The following RORB variants were observed in gnomAD, a reference collection of about 807,000 sequenced individuals.
RORB encodes the protein nuclear receptor ROR-beta.
In RORB, 6 loss-of-function variants were observed where a neutral mutation model predicts 59.1. The observed-to-expected ratio is 0.10, with a 90% CI of 0.06 to 0.20. The LOEUF is 0.20. Among genes scored for constraint, RORB ranks in the 10% least tolerant of loss-of-function variants. RORB has a pLI of 1.00. For synonymous variants in RORB, 215 were observed against 204.5 expected (o/e 1.05, Z -0.44); for missense variants, 320 against 560.5 (o/e 0.57, Z 4.33).
At position 74,497,828 on chromosome 9, in the gene RORB, A is replaced by G; in HGVS notation, c.-149A>G. ...CGGCGGCAAACGTCACCCTGCAGCC[A>G]CGGCGTCCGCCTAAAGGGATGGTTT... On this transcript the variant is annotated 5_prime_UTR_variant, in exon 1 of 10. Transcript: ENST00000376896. 4.6e-6 allele frequency: 4 copies of G among 878,610 alleles called. No homozygotes were observed. Among genetic ancestry groups the G allele is most frequent in the Non-Finnish European group, 7.1e-6 (4 of 564,724 alleles). The allele number at this position is 878,610 out of a possible 1,614,324, so 54.4% of individuals were successfully genotyped here.
intron 1 of RORB, among the ~76,000 whole-genome samples, chr9:74,602,386 G>T (rs1020003456): frequency 6.6e-6 from 1 of 152,198 alleles, no homozygotes; most frequent in African/African-American, 2.4e-5. Flanking sequence ...AAAGATGCAT[G>T]CATGATACCT....
At chr9:74,592,810 A>ATC (rs147135870) in intron 1 of RORB, among the ~76,000 whole-genome samples, 35 of 148,330 alleles carry the variant, frequency 2.4e-4, no homozygotes, top group Non-Finnish European at 3.1e-4. Context: ...CTCTCTTTCA[A>ATC]TCTCTCTCTC....
chr9:74,672,214 T>C (rs998490912), intron 9 of RORB, among the ~76,000 whole-genome samples: 10 of 152,148 alleles, frequency 6.6e-5, no homozygotes, highest in Admixed American at 3.9e-4. Context: ...AAAATTCATA[T>C]GTGAAGAAAG....
intron 1 of RORB, among the ~76,000 whole-genome samples, chr9:74,548,994 T>C (rs1163919611): frequency 6.6e-6 from 1 of 152,216 alleles, no homozygotes; most frequent in Non-Finnish European, 1.5e-5. Flanking sequence ...TTTCAATCTT[T>C]TATTTAAATT....
chr9:74,578,298 G>T (rs1024247200), intron 1 of RORB, among the ~76,000 whole-genome samples: 1 of 152,104 alleles, frequency 6.6e-6, no homozygotes, highest in Non-Finnish European at 1.5e-5. Context: ...GATTATATTA[G>T]GTCGTTAATG....
intron 1 of RORB, among the ~76,000 whole-genome samples, chr9:74,588,059 T>C (rs1822829682): frequency 6.6e-6 from 1 of 152,188 alleles, no homozygotes; most frequent in South Asian, 2.1e-4. Context: ...ATATTGCTCA[T>C]AGGAGTTTTT....
At chr9:74,635,360 T>C (rs1309260111) in intron 3 of RORB, among the ~76,000 whole-genome samples, 3 of 152,134 alleles carry the variant, frequency 2.0e-5, no homozygotes, top group African/African-American at 7.2e-5. Context: ...CCTCAGAATG[T>C]CATACCTTCT....
chr9:74,610,123 G>T (rs941113177), intron 1 of RORB, among the ~76,000 whole-genome samples: 1 of 152,126 alleles, frequency 6.6e-6, no homozygotes, highest in Non-Finnish European at 1.5e-5. Flanking sequence ...TTAATCTCAC[G>T]ACACTTTCTC....
chr9:74,611,388 CT>C (rs1823229281), intron 1 of RORB, among the ~76,000 whole-genome samples: 4 of 152,178 alleles, frequency 2.6e-5, no homozygotes, highest in Admixed American at 1.3e-4. Context: ...TTTCAACTTC[CT>C]TGTTCCTACA....
chr9:74,627,051 G>T (rs1171795506), intron 1 of RORB, among the ~76,000 whole-genome samples: 1 of 151,870 alleles, frequency 6.6e-6, no homozygotes, highest in Non-Finnish European at 1.5e-5. Context: ...AGTCCCAGCT[G>T]CTGGGGAGGC....
chr9:74,604,719 A>G (rs1301161492), intron 1 of RORB, among the ~76,000 whole-genome samples: 1 of 152,188 alleles, frequency 6.6e-6, no homozygotes, highest in Non-Finnish European at 1.5e-5. Context: ...AAATTGTTTA[A>G]ATAAGGTAGA....
intron 1 of RORB, among the ~76,000 whole-genome samples, chr9:74,520,743 T>C (rs1826074332): frequency 6.6e-6 from 1 of 151,918 alleles, no homozygotes; most frequent in African/African-American, 2.4e-5. Flanking sequence ...CCTGGCTTTT[T>C]TTTTCTGCAC....
At chr9:74,616,570 A>G (rs964229889) in intron 1 of RORB, among the ~76,000 whole-genome samples, 36 of 152,194 alleles carry the variant, frequency 2.4e-4, no homozygotes, top group African/African-American at 7.7e-4. Context: ...TCTGACATCA[A>G]TGGAGTCTTT....
chr9:74,683,821 ATTTCATCAG>A (rs2118579580), intron 9 of RORB, among the ~76,000 whole-genome samples: 1 of 152,152 alleles, frequency 6.6e-6, no homozygotes, highest in East Asian at 1.9e-4. Context: ...TGGTAAACTT[ATTTCATCAG>A]TTTCATCAAG....
chr9:74,533,356 C>T (rs939003836), intron 1 of RORB, among the ~76,000 whole-genome samples: 3 of 151,238 alleles, frequency 2.0e-5, no homozygotes, highest in African/African-American at 7.3e-5. Flanking sequence ...TGCTCCCATT[C>T]TGGGAATATG....
intron 5 of RORB, 73 bp downstream of exon 5, chr9:74,660,811 G>T: frequency 6.7e-7 from 1 of 1,486,994 alleles, no homozygotes; most frequent in Non-Finnish European, 9.1e-7. Flanking sequence ...CAGCACTATT[G>T]GCATGTTGCA....
intron 1 of RORB, among the ~76,000 whole-genome samples, chr9:74,575,513 A>T (rs1822620834): frequency 6.6e-6 from 1 of 152,156 alleles, no homozygotes; most frequent in Admixed American, 6.5e-5. Flanking sequence ...GCCTGACAGG[A>T]AAGCCTGTGT....
At chr9:74,646,785 C>T (rs955278887) in intron 4 of RORB, among the ~76,000 whole-genome samples, 2 of 152,130 alleles carry the variant, frequency 1.3e-5, no homozygotes, top group African/African-American at 4.8e-5. Context: ...AAGAGCAGAA[C>T]GAGGTTTCTG....
intron 3 of RORB, among the ~76,000 whole-genome samples, chr9:74,641,907 T>C (rs563948047): frequency 1.3e-5 from 2 of 152,032 alleles, no homozygotes; most frequent in Admixed American, 1.3e-4. Flanking sequence ...ACCCTGTCTC[T>C]TAAAGAAAAT....
Sources: allele counts gnomAD v4.1 joint callset (sites outside exome capture counted in the v4.1 genomes callset), GRCh38; gene constraint gnomAD v4.1.1; transcripts MANE v1.5; gene names NCBI Gene and HGNC (gene_info 2026-07-23, HGNC 2026-07-21).